ADAMTS19: variants seen among roughly 807,000 people sequenced by gnomAD.
ADAMTS19 encodes A disintegrin and metalloproteinase with thrombospondin motifs 19.
In ADAMTS19, 93 loss-of-function variants were observed where a neutral mutation model predicts 153.3. The observed-to-expected ratio is 0.61, with a 90% CI of 0.51 to 0.72. The LOEUF is 0.72. Ranked by LOEUF, ADAMTS19 falls within the 30% of genes least tolerant of loss-of-function variation. ADAMTS19 has a pLI of 0.00. For missense variants in ADAMTS19, 1,482 were observed against 1,552.1 expected, an observed-to-expected ratio of 0.95 and a Z score of 0.76; for synonymous variants, 600 against 556.6, an observed-to-expected ratio of 1.08 and a Z score of -1.10.
chr5:129,634,671 G>T (rs973740338), intron 10 of ADAMTS19, among the ~76,000 whole-genome samples: 2 of 151,896 alleles, frequency 1.3e-5, no homozygotes, highest in Admixed American at 1.3e-4. Context: ...TCAATAAATG[G>T]CTCTGGGATA....
intron 11 of ADAMTS19, among the ~76,000 whole-genome samples, chr5:129,647,426 C>T (rs980579967): frequency 4.6e-5 from 7 of 151,916 alleles, no homozygotes; most frequent in South Asian, 4.2e-4. Context: ...AAATTATTAT[C>T]GGTTTCTTAA....
At chr5:129,515,056 C>T (rs181498759) in intron 3 of ADAMTS19, among the ~76,000 whole-genome samples, 68 of 152,052 alleles carry the variant, frequency 4.5e-4, no homozygotes, top group African/African-American at 1.3e-3. Flanking sequence ...ATCTTTTCCC[C>T]GGTGTATGTT....
At chr5:129,669,388 T>G (rs1459614410) in intron 16 of ADAMTS19, among the ~76,000 whole-genome samples, 1 of 152,106 alleles carries the variant, frequency 6.6e-6, no homozygotes. Flanking sequence ...GTTATCTAAT[T>G]TATGGTCCTA....
intron 10 of ADAMTS19, among the ~76,000 whole-genome samples, chr5:129,632,364 T>TAGAG (rs1395497004): frequency 6.6e-6 from 1 of 151,758 alleles, no homozygotes; most frequent in African/African-American, 2.4e-5. Context: ...TATATAGATA[T>TAGAG]AGATATAATA....
At chr5:129,466,970 T>G (rs1167653392) in intron 2 of ADAMTS19, among the ~76,000 whole-genome samples, 1 of 152,226 alleles carries the variant, frequency 6.6e-6, no homozygotes, top group East Asian at 1.9e-4. Flanking sequence ...TTTATAATTG[T>G]TTCATTTCAA....
intron 7 of ADAMTS19, among the ~76,000 whole-genome samples, chr5:129,580,932 A>G (rs1370813032): frequency 6.6e-6 from 1 of 152,134 alleles, no homozygotes; most frequent in African/African-American, 2.4e-5. Context: ...TGGTATCAGG[A>G]TGATGCTGGC....
At chr5:129,567,954 T>C (rs1753772443) in intron 7 of ADAMTS19, among the ~76,000 whole-genome samples, 1 of 152,152 alleles carries the variant, frequency 6.6e-6, no homozygotes. Flanking sequence ...GTGATTCCAA[T>C]GACAGCCGAT....
intron 16 of ADAMTS19, among the ~76,000 whole-genome samples, chr5:129,667,584 G>A (rs541173220): frequency 1.3e-4 from 20 of 151,960 alleles, no homozygotes; most frequent in African/African-American, 4.8e-4. Flanking sequence ...AAAAGTATGT[G>A]GTATGTACCC....
At chr5:129,574,565 A>G (rs1561578839) in intron 7 of ADAMTS19, among the ~76,000 whole-genome samples, 1 of 152,062 alleles carries the variant, frequency 6.6e-6, no homozygotes, top group Non-Finnish European at 1.5e-5. Context: ...ATAGTCACAG[A>G]TTTAAAACTG....
chr5:129,715,470 A>C (rs1174238953), intron 21 of ADAMTS19, among the ~76,000 whole-genome samples: 2 of 152,240 alleles, frequency 1.3e-5, no homozygotes, highest in Non-Finnish European at 2.9e-5. Context: ...AATTCTGAGA[A>C]TAGTGTCACA....
chr5:129,472,545 A>G (rs1468489259), intron 2 of ADAMTS19, among the ~76,000 whole-genome samples: 1 of 152,222 alleles, frequency 6.6e-6, no homozygotes, highest in Non-Finnish European at 1.5e-5. Context: ...CACGTTATAC[A>G]TGTGAACTAG....
intron 10 of ADAMTS19, among the ~76,000 whole-genome samples, chr5:129,624,783 A>C (rs551426003): frequency 6.6e-6 from 1 of 152,278 alleles, no homozygotes; most frequent in South Asian, 2.1e-4. Context: ...TGACCTCTGA[A>C]TATCTTCCAC....
chr5:129,465,474 T>G (rs1028216575), intron 2 of ADAMTS19, among the ~76,000 whole-genome samples: 1 of 152,220 alleles, frequency 6.6e-6, no homozygotes, highest in Non-Finnish European at 1.5e-5. Flanking sequence ...ATGCCACCTT[T>G]TCCTACTTAA....
intron 7 of ADAMTS19, among the ~76,000 whole-genome samples, chr5:129,561,822 A>G (rs2126844050): frequency 8.2e-6 from 1 of 122,524 alleles, no homozygotes; most frequent in South Asian, 2.6e-4. Flanking sequence ...TCACCCTACT[A>G]TCTATCTATC....
intron 2 of ADAMTS19, among the ~76,000 whole-genome samples, chr5:129,488,363 C>T (rs1750663105): frequency 6.6e-6 from 1 of 152,008 alleles, no homozygotes; most frequent in Admixed American, 6.6e-5. Context: ...TTTTTCTTGA[C>T]TAAACTTTAC....
intron 7 of ADAMTS19, among the ~76,000 whole-genome samples, chr5:129,588,849 C>T (rs1331338094): frequency 1.3e-5 from 2 of 151,640 alleles, no homozygotes; most frequent in Non-Finnish European, 3.0e-5. Context: ...AAAGCAAGTT[C>T]CTTTTACCCT....
At chr5:129,610,954 G>T (rs1224178282) in intron 8 of ADAMTS19, among the ~76,000 whole-genome samples, 1 of 152,108 alleles carries the variant, frequency 6.6e-6, no homozygotes, top group Non-Finnish European at 1.5e-5. Context: ...AGCACCTGTT[G>T]TTCCCTGACT....
chr5:129,510,856 GATATATAT>G (rs60233609), intron 3 of ADAMTS19, among the ~76,000 whole-genome samples: 1 of 141,120 alleles, frequency 7.1e-6, no homozygotes, highest in Non-Finnish European at 1.6e-5. Flanking sequence ...AAGTTTCTGA[GATATATAT>G]ATATATATAT....
At chr5:129,481,770 G>T (rs73787514) in intron 2 of ADAMTS19, among the ~76,000 whole-genome samples, 2 of 152,078 alleles carry the variant, frequency 1.3e-5, no homozygotes, top group Non-Finnish European at 2.9e-5. Context: ...CCTCCCCAAA[G>T]GTGACTTCAG....
Sources: gnomAD v4.1 joint callset for allele counts (sites outside exome capture counted in the v4.1 genomes callset) on GRCh38, gnomAD v4.1.1 for gene constraint, MANE v1.5 for transcripts, NCBI Gene and HGNC (gene_info 2026-07-23, HGNC 2026-07-21) for gene names.